ANKFY1: variants seen among roughly 807,000 people sequenced by gnomAD.
ANKFY1 encodes the protein ankyrin repeat and FYVE domain-containing protein 1.
A neutral mutation model predicts 128.3 loss-of-function variants in ANKFY1; 47 were observed. The observed-to-expected ratio is 0.37, with a 90% confidence interval of 0.29 to 0.47. The LOEUF is 0.47. Among genes scored for constraint, ANKFY1 ranks in the 20% least tolerant of loss-of-function variants. ANKFY1 has a pLI of 1.00. For missense variants in ANKFY1, 1,222 were observed against 1,510.6 expected (o/e 0.81, Z 3.17); for synonymous variants, 553 against 601.6 (o/e 0.92, Z 1.18).
At chr17:4,172,294 G>A (rs560837618) in intron 22 of ANKFY1, among the ~76,000 whole-genome samples, 2 of 152,288 alleles carry the variant, frequency 1.3e-5, no homozygotes, top group African/African-American at 2.4e-5. Context: ...AGGCAAATGA[G>A]GGAAATAAAA....
In ANKFY1 at chr17:4,167,138, C is replaced by T. The variant is rs553956043; in HGVS notation, c.*641G>A. 2 of 152,742 alleles carry T rather than the reference C, an allele frequency of 1.3e-5. No individual in the cohort carries two copies. Among genetic ancestry groups the T allele is most frequent in the Admixed American group, 6.5e-5 (1 of 15,302 alleles). 9.5% of individuals were successfully genotyped at this position (152,742 alleles called of 1,614,324 possible). A position where few individuals can be genotyped will look rare whatever the true frequency, so the allele number is the denominator to read the frequency against. On this transcript the variant is annotated 3_prime_UTR_variant, in exon 25 of 25. Transcript: ENST00000341657. This position sits in a 1 kb window ranked among gnomAD's most constrained non-coding sequence, Gnocchi z 4.1. ...ACTCCTGACACCTCAGTAGCATGAA[C>T]ACTGTAAAGCTTTCAGTTGTTAAGG...
At chr17:4,243,876 A>C (rs1447946305) in intron 1 of ANKFY1, among the ~76,000 whole-genome samples, 1 of 152,112 alleles carries the variant, frequency 6.6e-6, no homozygotes, top group Non-Finnish European at 1.5e-5. Context: ...TGGTAAGTGC[A>C]CTCTGACATA....
Position 4,206,451 on chromosome 17 carries a change from T to C in ANKFY1, c.768A>G (p.Gly256=), listed in dbSNP as rs878934796. 5.6e-6 allele frequency: 9 copies of C among 1,613,930 alleles called. No individual in the cohort carries two copies. The South Asian group carries it at 6.6e-5, about 12-fold the overall frequency. ...PGKLNEADHN[G]DLALDLALSR... ...AGAGGGCTAGATCTAATGCCAGATC[T>C]CCGTTATGATCCGCTTCATTCAGCT... The change falls in exon 7 of 25, where the codon GGA becomes GGG. Residue 256 remains glycine, a synonymous_variant. Transcript: ENST00000341657.
Position 4,193,520 on chromosome 17 carries a change from CG to C in ANKFY1, c.1372+1457del, listed in dbSNP as rs372596172. ...TTGGCTCACTGCAACCTCCGCTTCC[CG>C]GGTTCAAGTGATTCTTCCACCTCAG... On this transcript the variant is annotated intron_variant, in intron 10 of 24. Coordinates refer to ENST00000341657, the MANE Select transcript of ANKFY1 (RefSeq NM_001330063.2). 4.8e-3 allele frequency among the ~76,000 whole-genome samples: 714 copies of C among 149,842 alleles called. 4 individuals are homozygous for C. Among genetic ancestry groups the C allele is most frequent in the African/African-American group, 0.017 (694 of 40,554 alleles).
At chr17:4,173,077 C>T (rs1186654091) in intron 21 of ANKFY1, among the ~76,000 whole-genome samples, 2 of 152,340 alleles carry the variant, frequency 1.3e-5, no homozygotes, top group South Asian at 2.1e-4. Flanking sequence ...AGGACGGTCT[C>T]GATCTCCTGA....
intron 2 of ANKFY1, among the ~76,000 whole-genome samples, chr17:4,237,060 C>T (rs1055054484): frequency 6.6e-6 from 1 of 151,958 alleles, no homozygotes; most frequent in African/African-American, 2.4e-5. Context: ...CGCTTGAACC[C>T]AGGAGGCAGA....
Position 4,236,969 on chromosome 17 carries a change from C to G in ANKFY1, c.204-1079G>C, listed in dbSNP as rs918160831. 3.3e-5 allele frequency among the ~76,000 whole-genome samples: 5 copies of G among 151,928 alleles called. No homozygotes were observed. The South Asian group carries it at 1.0e-3, about 32-fold the overall frequency. ...TGGCTAACATAGTGAAACCCCGTCT[C>G]TACTAAAAATACAAAAATTAGCCAA... On this transcript the variant is annotated intron_variant, in intron 2 of 24. Coordinates refer to ENST00000341657, the MANE Select transcript of ANKFY1 (RefSeq NM_001330063.2).
chr17:4,263,458 C>A, intron 1 of ANKFY1: 1 of 1,256,046 alleles, frequency 8.0e-7, no homozygotes, highest in South Asian at 1.5e-5. Flanking sequence ...CTCGCTGCTG[C>A]CTCGCCCCCA....
rs1349493974 is a variant in ANKFY1, at chr17:4,170,829, T to G, written c.3172A>C (p.Asn1058His). 2 of 1,614,068 alleles carry G rather than the reference T, an allele frequency of 1.2e-6. No homozygotes were observed. Among genetic ancestry groups the G allele is most frequent in the East Asian group, 4.5e-5 (2 of 44,894 alleles). ...GACCGGACGATGGCGCGGCACAAGT[T>G]GGCGTTCCCTTTCATGTATGCCAGG... ...LLLAYMKGNANLCRAIVRSGA... is the reference protein window; with the variant it reads ...LLLAYMKGNAHLCRAIVRSGA... Residue 1058 changes from asparagine (N) to histidine (H), a missense_variant, in exon 23 of 25, where the codon AAC becomes CAC. Transcript: ENST00000341657.
In ANKFY1 at chr17:4,229,104, T is replaced by TA. The variant is rs571523561; in HGVS notation, c.322+6667dup. ...TTGCAATGTAGTCAGATTCATACTA[T>TA]AAAAAAAAGTCATAGTCTTAACCTT... On this transcript the variant is annotated intron_variant, in intron 3 of 24. Transcript: ENST00000341657. Among the ~76,000 whole-genome samples the TA allele has an allele frequency of 1.7e-4, 26 of 151,962 alleles. 1 individual carries two copies. The East Asian group carries it at 4.1e-3, about 24-fold the overall frequency.
In ANKFY1 at chr17:4,260,579, T is replaced by C. The variant is rs1045996156; in HGVS notation, c.10+3353A>G. Among the ~76,000 whole-genome samples the C allele has an allele frequency of 3.6e-5, 5 of 138,766 alleles. No individual in the cohort carries two copies. The East Asian group carries it at 8.5e-4, about 24-fold the overall frequency. The allele number at this position is 138,766 out of a possible 152,430, so 91.0% of individuals were successfully genotyped here. A position where few individuals can be genotyped will look rare whatever the true frequency, so the allele number is the denominator to read the frequency against. On this transcript the variant is annotated intron_variant, in intron 1 of 24. Transcript: ENST00000341657. The stretch of plus-strand genomic sequence containing the variant: ...ATTGCAATGAGCTGTGATCACGCCA[T>C]TGTACTCCAGCCTGGGTGACGGAGT...
intron 3 of ANKFY1, among the ~76,000 whole-genome samples, chr17:4,218,419 A>C (rs2060255932): frequency 6.6e-6 from 1 of 152,240 alleles, no homozygotes. Context: ...TTTACTACAT[A>C]GGCTTTTTGA....
At position 4,167,946 on chromosome 17, in the gene ANKFY1, G is replaced by A. The variant is rs544564877; in HGVS notation, c.3378-35C>T. 36 of 1,597,006 alleles carry A rather than the reference G, an allele frequency of 2.3e-5. No individual in the cohort carries two copies. Among genetic ancestry groups the A allele is most frequent in the South Asian group, 6.7e-5 (6 of 89,418 alleles). ...CAAAGAAAGGAAGTATGAGAGGAGC[G>A]CCAACGACAGACTCTGCTTCCTGGC... On this transcript the variant is annotated intron_variant, in intron 24 of 24. Transcript: ENST00000341657. This position sits in a 1 kb window ranked among gnomAD's most constrained non-coding sequence, Gnocchi z 4.1.
chr17:4,233,863 C>T (rs2060556616), intron 3 of ANKFY1, among the ~76,000 whole-genome samples: 1 of 152,196 alleles, frequency 6.6e-6, no homozygotes, highest in Admixed American at 6.5e-5. Flanking sequence ...AAAACAGTAC[C>T]TTCTCAACTG....
At chr17:4,224,940 CG>C (rs1459457306) in intron 3 of ANKFY1, among the ~76,000 whole-genome samples, 113 of 136,626 alleles carry the variant, frequency 8.3e-4, no homozygotes, top group African/African-American at 3.2e-3. Context: ...CTTGAGTTGT[CG>C]TTTTTTTTTT....
chr17:4,218,983 CACAT>C (rs759005421), intron 3 of ANKFY1, among the ~76,000 whole-genome samples: 19 of 152,160 alleles, frequency 1.2e-4, no homozygotes, highest in Non-Finnish European at 2.1e-4. Flanking sequence ...ACACACTACA[CACAT>C]AGAGAGGCAG....
chr17:4,170,791 G>A lies in ANKFY1; in HGVS notation c.3210C>T (p.Leu1070=), dbSNP rs199727847. The change falls in exon 23 of 25, where the codon CTC becomes CTT. Residue 1070 remains leucine (L), a synonymous_variant. Transcript: ENST00000341657. ...TGACTCCCTGGTTGTTATTCACCCC[G>A]AGGCGAGCCCCCGACCGGACGATGG... ...CRAIVRSGAR[L]GVNNNQGVNI... 69 of 1,614,158 alleles carry A rather than the reference G, an allele frequency of 4.3e-5. No homozygotes were observed. The highest frequency in any genetic ancestry group is 9.3e-5 in the African/African-American group (7 of 75,036).
intron 8 of ANKFY1, among the ~76,000 whole-genome samples, chr17:4,196,023 A>AC (rs1343937104): frequency 4.9e-4 from 5 of 10,188 alleles, no homozygotes; most frequent in African/African-American, 8.0e-4. Flanking sequence ...GCACCTACCC[A>AC]CCCACCCCCC....
intron 6 of ANKFY1, among the ~76,000 whole-genome samples, chr17:4,206,961 G>A (rs1249241549): frequency 6.6e-6 from 1 of 152,134 alleles, no homozygotes; most frequent in East Asian, 1.9e-4. Context: ...CATATGGTGG[G>A]CAGAATTATC....
Sources: allele counts gnomAD v4.1 joint callset (sites outside exome capture counted in the v4.1 genomes callset), GRCh38; gene constraint gnomAD v4.1.1; non-coding constraint Gnocchi (gnomAD v3.1); transcripts MANE v1.5; gene names NCBI Gene and HGNC (gene_info 2026-07-23, HGNC 2026-07-21).